Variants in PSMF1 observed in about 807,000 individuals in gnomAD.
PSMF1 encodes the protein proteasome inhibitor PI31 subunit.
A neutral mutation model predicts 29.3 loss-of-function variants in PSMF1; 30 were observed. That is an observed-to-expected ratio of 1.02 (90% CI 0.77 to 1.39). The LOEUF (loss-of-function observed/expected upper bound fraction) is 1.39, where lower values mean the gene tolerates loss of function less well. PSMF1 is among the 40% of genes most tolerant of loss of function. The pLI is 0.00. For synonymous variants in PSMF1, 134 were observed against 139.7 expected, an observed-to-expected ratio of 0.96 and a Z score of 0.29; for missense variants, 344 against 357.5, an observed-to-expected ratio of 0.96 and a Z score of 0.31.
At chr20:1,119,948 T>A (rs2086065145) in intron 1 of PSMF1, among the ~76,000 whole-genome samples, 1 of 151,402 alleles carries the variant, frequency 6.6e-6, no homozygotes, top group Non-Finnish European at 1.5e-5. Flanking sequence ...AGTTCTCAAC[T>A]CCTCTAATCA....
intron 4 of PSMF1, among the ~76,000 whole-genome samples, chr20:1,156,191 A>C (rs1469281464): frequency 6.6e-6 from 1 of 152,244 alleles, no homozygotes; most frequent in African/African-American, 2.4e-5. Context: ...GTGAACTTGA[A>C]GATAGGTAAT....
rs988137029 is a variant in PSMF1 at position 1,166,332 on chromosome 20, C to T, written c.*1252C>T. 8.6e-6 allele frequency: 12 copies of T among 1,399,314 alleles called. No individual in the cohort carries two copies. Among genetic ancestry groups the T allele is most frequent in the Middle Eastern group, 1.8e-4 (1 of 5,672 alleles). The allele number at this position is 1,399,314 out of a possible 1,614,324, so 86.7% of individuals were successfully genotyped here. On this transcript the variant is annotated 3_prime_UTR_variant, in exon 7 of 7. Coordinates refer to ENST00000335877, the MANE Select transcript of PSMF1 (RefSeq NM_006814.5). ...ACGAGATCAAGGCGGTAGTCACTTC[C>T]GCTCTGCAGCTAGCATTTCAACCAT...
intron 4 of PSMF1, chr20:1,160,698 C>T: frequency 2.0e-6 from 1 of 492,090 alleles, no homozygotes; most frequent in African/African-American, 2.0e-5. Flanking sequence ...CAGGTGCCCC[C>T]AACACCAGGG....
At chr20:1,124,071 C>A (rs1043494949) in intron 1 of PSMF1, among the ~76,000 whole-genome samples, 1 of 152,042 alleles carries the variant, frequency 6.6e-6, no homozygotes, top group Non-Finnish European at 1.5e-5. Flanking sequence ...AATTTCTTTC[C>A]TTTGCAGCCA....
chr20:1,128,196 G>A (rs2086184563), intron 3 of PSMF1, among the ~76,000 whole-genome samples: 1 of 152,242 alleles, frequency 6.6e-6, no homozygotes, highest in South Asian at 2.1e-4. Context: ...TCTTTTGACT[G>A]TCTCCATAGT....
Position 1,164,601 on chromosome 20 carries a change from G to A in PSMF1, c.764+125G>A, listed in dbSNP as rs1712427319. ...CTGCCTTCACCTGTTGCTGCCAGGA[G>A]AGTGGAGCCTCCTCCAGGGCCCTGC... is the stretch of plus-strand genomic sequence containing the variant. On this transcript the variant is annotated intron_variant, in intron 6 of 6. Transcript: ENST00000335877. The surrounding 1 kb of genome is among the most constrained non-coding windows in gnomAD (Gnocchi z 4.1). The A allele has an allele frequency of 7.6e-7, 1 of 1,321,622 alleles. No individual in the cohort carries two copies. 81.9% of individuals were successfully genotyped at this position (1,321,622 alleles called of 1,614,324 possible). A position where few individuals can be genotyped will look rare whatever the true frequency, so the allele number is the denominator to read the frequency against.
At position 1,150,731 on chromosome 20, in the gene PSMF1, GT is replaced by G. The variant is rs556147462; in HGVS notation, c.552-12391del. ...AGCTTGCCCTTTTACCCTATTAATG[GT>G]TTTTTTTAATTATTGTTAAAGCATT... On this transcript the variant is annotated intron_variant, in intron 4 of 6. Coordinates refer to ENST00000335877, the MANE Select transcript of PSMF1 (RefSeq NM_006814.5). 9.9e-5 allele frequency among the ~76,000 whole-genome samples: 15 copies of G among 151,648 alleles called. No homozygotes were observed. In the South Asian group the frequency reaches 2.7e-3, roughly 27 times the overall value.
At chr20:1,128,406 C>T (rs2086187570) in intron 3 of PSMF1, among the ~76,000 whole-genome samples, 1 of 152,216 alleles carries the variant, frequency 6.6e-6, no homozygotes, top group Non-Finnish European at 1.5e-5. Flanking sequence ...TGATTCCCAG[C>T]AGCATCAATG....
chr20:1,169,390 G>T lies in PSMF1; in HGVS notation c.*4310G>T, dbSNP rs1488652435. Among the ~76,000 whole-genome samples, 1 of 152,216 alleles carries T rather than the reference G, an allele frequency of 6.6e-6. No individual in the cohort carries two copies. Among genetic ancestry groups the T allele is most frequent in the Non-Finnish European group, 1.5e-5 (1 of 68,038 alleles). On this transcript the variant is annotated 3_prime_UTR_variant, in exon 7 of 7. Coordinates refer to ENST00000335877, the MANE Select transcript of PSMF1 (RefSeq NM_006814.5). ...GTGCGAAGTGGAAGGCCCAGCCCTT[G>T]CTTGGAGGAACGTGAGGCTGATGGT...
At chr20:1,138,790 A>C (rs2086342257) in intron 4 of PSMF1, among the ~76,000 whole-genome samples, 2 of 151,942 alleles carry the variant, frequency 1.3e-5, no homozygotes, top group Non-Finnish European at 2.9e-5. Flanking sequence ...ACACCACTGC[A>C]CTCCAGCCTG....
At chr20:1,114,043 G>A (rs2085993118), upstream of PSMF1, among the ~76,000 whole-genome samples, 1 of 152,168 alleles carries the variant, frequency 6.6e-6, no homozygotes, top group African/African-American at 2.4e-5. Context: ...GGTGTGGGAG[G>A]ACAGAGCAGA....
upstream of PSMF1, among the ~76,000 whole-genome samples, chr20:1,114,255 A>G (rs544711000): frequency 6.6e-6 from 1 of 152,256 alleles, no homozygotes; most frequent in South Asian, 2.1e-4. Context: ...AGTGCGGTCC[A>G]GTTGCCCGTA....
At chr20:1,129,311 G>A (rs2086200015) in intron 3 of PSMF1, among the ~76,000 whole-genome samples, 1 of 152,162 alleles carries the variant, frequency 6.6e-6, no homozygotes, top group African/African-American at 2.4e-5. Flanking sequence ...AGTGAGCTTG[G>A]CATCACTATA....
At chr20:1,124,410 C>CAAT (rs2086127140) in intron 1 of PSMF1, among the ~76,000 whole-genome samples, 1 of 152,118 alleles carries the variant, frequency 6.6e-6, no homozygotes, top group African/African-American at 2.4e-5. Flanking sequence ...GATTGGCAAG[C>CAAT]AATAATAGCA....
chr20:1,117,627 A>G (rs2086024589), upstream of PSMF1, among the ~76,000 whole-genome samples: 2 of 152,158 alleles, frequency 1.3e-5, no homozygotes, highest in South Asian at 4.1e-4. Flanking sequence ...TACAGGCATG[A>G]GCCGCCACAC....
In PSMF1 at chr20:1,165,068, C is replaced by T; in HGVS notation, c.804C>T (p.Asp268=). ...ATCTCCCCCCGCCGGGCTACGATGA[C>T]ATGTACCTGTGAAGGCCTCAAGAAT... ...PDHLPPPGYD[D]MYL Residue 268 remains aspartate, a synonymous_variant, in exon 7 of 7, where the codon GAC becomes GAT. Coordinates refer to ENST00000335877, the MANE Select transcript of PSMF1 (RefSeq NM_006814.5). 1 of 1,614,204 alleles carries T rather than the reference C, an allele frequency of 6.2e-7. No individual in the cohort carries two copies. Among genetic ancestry groups the T allele is most frequent in the South Asian group, 1.1e-5 (1 of 91,080 alleles).
At chr20:1,133,302 T>C (rs894425649) in intron 3 of PSMF1, among the ~76,000 whole-genome samples, 4 of 150,774 alleles carry the variant, frequency 2.7e-5, no homozygotes, top group African/African-American at 9.7e-5. Flanking sequence ...AATGGATTTA[T>C]CATGTTGGAT....
chr20:1,172,085 G>A lies in PSMF1; in HGVS notation c.*7005G>A, dbSNP rs2086795726. Reference sequence around the variant, plus strand: ...CTAAGTGGGCCATGGGCTGGACTGAGTTCAGTGCTCCCCCAACCTGCCCTC... The same window carrying A: ...CTAAGTGGGCCATGGGCTGGACTGAATTCAGTGCTCCCCCAACCTGCCCTC... On this transcript the variant is annotated 3_prime_UTR_variant, in exon 7 of 7. Transcript: ENST00000335877. Among the ~76,000 whole-genome samples the A allele has an allele frequency of 6.6e-6, 1 of 152,208 alleles. No individual in the cohort carries two copies. The highest frequency in any genetic ancestry group is 1.5e-5 in the Non-Finnish European group (1 of 68,034).
At chr20:1,158,951 G>A (rs776407351) in intron 4 of PSMF1, among the ~76,000 whole-genome samples, 5 of 151,986 alleles carry the variant, frequency 3.3e-5, no homozygotes, top group East Asian at 3.9e-4. Context: ...AGCTACTTAG[G>A]AGGCTGAGGC....
Sources: gnomAD v4.1 joint callset for allele counts (sites outside exome capture counted in the v4.1 genomes callset) on GRCh38, gnomAD v4.1.1 for gene constraint, Gnocchi (gnomAD v3.1) non-coding constraint, MANE v1.5 for transcripts, NCBI Gene and HGNC (gene_info 2026-07-23, HGNC 2026-07-21) for gene names.